CPVL: variants seen among roughly 807,000 people sequenced by gnomAD.
CPVL encodes carboxypeptidase vitellogenic like, also known as probable serine carboxypeptidase CPVL.
A neutral mutation model predicts 63.7 loss-of-function variants in CPVL; 51 were observed. The ratio of observed to expected loss-of-function variants is 0.80; its 90% CI spans 0.64 to 1.01. CPVL has a LOEUF of 1.01. Among genes scored for constraint, CPVL ranks in the 50% least tolerant of loss-of-function variants. The pLI, the probability that CPVL is intolerant of heterozygous loss-of-function variation, is 0.00. For synonymous variants in CPVL, 195 were observed against 206.0 expected, an observed-to-expected ratio of 0.95 and a Z score of 0.46; for missense variants, 530 against 573.1, an observed-to-expected ratio of 0.92 and a Z score of 0.77.
At chr7:29,161,628 G>T (rs973569829) in intron 5 of CPVL, among the ~76,000 whole-genome samples, 1 of 152,112 alleles carries the variant, frequency 6.6e-6, no homozygotes, top group African/African-American at 2.4e-5. Flanking sequence ...ACCACGATGG[G>T]TAGACTGGCC....
intron 10 of CPVL, among the ~76,000 whole-genome samples, chr7:29,064,837 T>C (rs1037633190): frequency 6.7e-5 from 10 of 148,528 alleles, no homozygotes; most frequent in Non-Finnish European, 1.3e-4. Flanking sequence ...ATGTTCCCCA[T>C]CCTGTGTCCA....
intron 11 of CPVL, among the ~76,000 whole-genome samples, chr7:29,058,933 G>C (rs1791009458): frequency 6.6e-6 from 1 of 151,926 alleles, no homozygotes; most frequent in East Asian, 1.9e-4. Flanking sequence ...TCTGGAATCT[G>C]TGCTTTGATG....
At chr7:29,037,280 C>G (rs986009662) in intron 11 of CPVL, among the ~76,000 whole-genome samples, 2 of 151,920 alleles carry the variant, frequency 1.3e-5, no homozygotes, top group African/African-American at 2.4e-5. Flanking sequence ...CGTGGTGGCT[C>G]ACACCTATAA....
At chr7:29,101,266 T>G (rs937482138) in intron 3 of CPVL, among the ~76,000 whole-genome samples, 1 of 152,132 alleles carries the variant, frequency 6.6e-6, no homozygotes, top group Admixed American at 6.5e-5. Context: ...AATTCAAGAG[T>G]GTATGAAGCA....
chr7:29,046,982 T>A (rs572586788), intron 11 of CPVL, among the ~76,000 whole-genome samples: 2 of 152,318 alleles, frequency 1.3e-5, no homozygotes, highest in African/African-American at 4.8e-5. Context: ...GTACTTGAGG[T>A]GGTGGATTAT....
intron 1 of CPVL, among the ~76,000 whole-genome samples, chr7:29,136,518 T>C (rs1041113157): frequency 3.3e-5 from 5 of 152,054 alleles, no homozygotes; most frequent in African/African-American, 7.2e-5. Context: ...AATAAGTCAA[T>C]AGAAAATACC....
intron 5 of CPVL, among the ~76,000 whole-genome samples, chr7:29,176,036 A>T (rs939874138): frequency 2.0e-5 from 3 of 152,086 alleles, no homozygotes; most frequent in South Asian, 4.1e-4. Context: ...AATACAAAAA[A>T]TTAGCCAGGC....
chr7:28,997,043 C>G (rs114134885), intron 12 of CPVL, among the ~76,000 whole-genome samples: 1 of 152,306 alleles, frequency 6.6e-6, no homozygotes, highest in African/African-American at 2.4e-5. Flanking sequence ...GAGATCCAAT[C>G]AGCAAAAGGG....
intron 5 of CPVL, among the ~76,000 whole-genome samples, chr7:29,157,434 A>G (rs367723381): frequency 5.5e-5 from 7 of 127,614 alleles, no homozygotes; most frequent in East Asian, 4.9e-4. Context: ...AAATGGCGTT[A>G]TCTCAGTCAC....
intron 1 of CPVL, among the ~76,000 whole-genome samples, chr7:29,129,177 A>G (rs1481148216): frequency 1.3e-5 from 2 of 152,200 alleles, no homozygotes; most frequent in African/African-American, 4.8e-5. Flanking sequence ...CCCAAGAGAT[A>G]TGACAAAGGC....
chr7:29,188,024 A>G (rs1000319747), intron 1 of CPVL, among the ~76,000 whole-genome samples: 2 of 152,198 alleles, frequency 1.3e-5, no homozygotes, highest in African/African-American at 2.4e-5. Context: ...CCTGGCTCCT[A>G]TGTCTTAATA....
At chr7:29,071,952 G>T in intron 8 of CPVL, 48 bp from the exon 9 acceptor site, 1 of 1,604,342 alleles carries the variant, frequency 6.2e-7, no homozygotes, top group South Asian at 1.1e-5. Context: ...GAGAGAAAGA[G>T]ACCTTAAGGA....
chr7:29,041,126 ATTT>A (rs1191228187), intron 11 of CPVL, among the ~76,000 whole-genome samples: 118 of 104,904 alleles, frequency 1.1e-3, no homozygotes, highest in African/African-American at 3.7e-3. Flanking sequence ...CAATAACTGG[ATTT>A]TTTTTTTTTT....
At chr7:29,026,952 T>C (rs1350878772) in intron 12 of CPVL, among the ~76,000 whole-genome samples, 2 of 152,140 alleles carry the variant, frequency 1.3e-5, no homozygotes, top group East Asian at 3.8e-4. Context: ...ACTAATTCTT[T>C]AAAATTAAAG....
intron 5 of CPVL, among the ~76,000 whole-genome samples, chr7:29,166,751 T>C (rs1795973737): frequency 1.3e-5 from 2 of 152,160 alleles, no homozygotes; most frequent in South Asian, 4.1e-4. Flanking sequence ...TTTCTATTTT[T>C]TTCTTGATGA....
rs192344974 is a variant in CPVL at position 29,112,680 on chromosome 7, G to A, written c.288+24C>T. ...ACGGCAAGCCAGGTCTTGAACACTG[G>A]TGTTCTTTCTGTTGGGCACCTACCT... On this transcript the variant is annotated intron_variant, in intron 3 of 12. Transcript: ENST00000265394. 17 of 1,491,728 alleles carry A rather than the reference G, an allele frequency of 1.1e-5. No individual in the cohort carries two copies. The African/African-American group carries it at 1.5e-4, about 13-fold the overall frequency. 92.4% of individuals were successfully genotyped at this position (1,491,728 alleles called of 1,614,324 possible).
At chr7:29,143,362 C>T (rs1399300578) in intron 1 of CPVL, among the ~76,000 whole-genome samples, 1 of 152,106 alleles carries the variant, frequency 6.6e-6, no homozygotes, top group African/African-American at 2.4e-5. Flanking sequence ...AAATCAATAC[C>T]CTGGCTTCTA....
intron 12 of CPVL, among the ~76,000 whole-genome samples, chr7:28,998,597 C>T (rs879675252): frequency 9.9e-5 from 15 of 152,014 alleles, no homozygotes; most frequent in African/African-American, 1.7e-4. Context: ...GCACAGTGCC[C>T]GGCCTGGGAT....
chr7:29,165,707 G>T (rs1468316793), intron 5 of CPVL, among the ~76,000 whole-genome samples: 1 of 152,086 alleles, frequency 6.6e-6, no homozygotes, highest in Non-Finnish European at 1.5e-5. Flanking sequence ...CCTTTATGTG[G>T]TTGAATTTTC....
Sources: allele counts gnomAD v4.1 joint callset (sites outside exome capture counted in the v4.1 genomes callset), GRCh38; gene constraint gnomAD v4.1.1; transcripts MANE v1.5; gene names NCBI Gene and HGNC (gene_info 2026-07-23, HGNC 2026-07-21).